The following SALL4 variants were observed in gnomAD, a reference collection of about 807,000 sequenced individuals.
SALL4 encodes the protein sal-like protein 4.
In SALL4, 4 loss-of-function variants were observed where a neutral mutation model predicts 60.8. The observed-to-expected ratio is 0.07, with a 90% CI of 0.03 to 0.15. The LOEUF (loss-of-function observed/expected upper bound fraction) is 0.15. Among genes scored for constraint, SALL4 ranks in the 10% least tolerant of loss-of-function variants. The probability of loss-of-function intolerance (pLI) is 1.00; values close to 1 mark genes in which losing one functional copy is unlikely to be tolerated. For synonymous variants in SALL4, 580 were observed against 574.9 expected (o/e 1.01, Z -0.13); for missense variants, 1,178 against 1,394.7 (o/e 0.84, Z 2.48).
In SALL4 at chr20:51,791,491, G is replaced by A. The variant is rs1245259397; in HGVS notation, c.992C>T (p.Pro331Leu). 4 of 1,614,088 alleles carry A rather than the reference G, an allele frequency of 2.5e-6. No individual in the cohort carries two copies. Among genetic ancestry groups the A allele is most frequent in the East Asian group, 2.2e-5 (1 of 44,884 alleles). ...RVLPNVMSRL[P>L]SALLPQAPGS... ...CGGGGCCTGAGGAAGCAAAGCGCTCGGGAGGCGGGACATGACGTTCGGGAG... is the reference window on the plus strand; with the variant it reads ...CGGGGCCTGAGGAAGCAAAGCGCTCAGGAGGCGGGACATGACGTTCGGGAG... The change falls in exon 2 of 4, where the codon CCG (proline) becomes CTG (leucine). Residue 331 changes from proline to leucine, a missense_variant. By Grantham distance (98) the Pro-to-Leu change is moderately conservative. Around this residue, in one of 5 missense-constraint regions of SALL4, gnomAD observed 853 missense variants for 1,036.8 expected, o/e 0.82. Coordinates refer to ENST00000217086, the MANE Select transcript of SALL4 (RefSeq NM_020436.5). This position sits in a 1 kb window ranked among gnomAD's most constrained non-coding sequence, Gnocchi z 4.6.
chr20:51,792,435 T>C, intron 1 of SALL4, 83 bp from the exon 2 acceptor site: 2 of 1,539,328 alleles, frequency 1.3e-6, no homozygotes, highest in Non-Finnish European at 1.8e-6. Flanking sequence ...ACATCTATAA[T>C]CCTAGCACTT....
intron 2 of SALL4, 137 bp from the exon 3 acceptor site, chr20:51,789,278 T>C: frequency 1.1e-6 from 1 of 885,724 alleles, no homozygotes; most frequent in Non-Finnish European, 1.7e-6. Flanking sequence ...AATTAACACC[T>C]TCCCCTTTGA....
rs577230428 is a variant in SALL4, at chr20:51,782,369, C to A, written c.*1896G>T. 6.6e-6 allele frequency: 1 copy of A among 152,030 alleles called. No homozygotes were observed. The highest frequency in any genetic ancestry group is 2.4e-5 in the African/African-American group (1 of 41,466). 9.4% of individuals were successfully genotyped at this position (152,030 alleles called of 1,614,324 possible). ...CATTCAAATTTTATTTTCCAACAGA[C>A]AGACAGCATCAGCAGGTACAACTAC... is the stretch of plus-strand genomic sequence containing the variant. On this transcript the variant is annotated 3_prime_UTR_variant, in exon 4 of 4. Coordinates refer to ENST00000217086, the MANE Select transcript of SALL4 (RefSeq NM_020436.5).
chr20:51,791,532 C>G lies in SALL4; in HGVS notation c.951G>C (p.Pro317=). ...CGTTCGGGAGCACCCGGGTCCCATC[C>G]GGCTTCAGAGTGAAGGGTGCCAGCC... The part of the protein sequence containing the change: ...SPGLAPFTLK[P]DGTRVLPNVM... Residue 317 remains proline (P), a synonymous_variant, in exon 2 of 4, where the codon CCG becomes CCC. Transcript: ENST00000217086. The surrounding 1 kb of genome is among the most constrained non-coding windows in gnomAD (Gnocchi z 4.6). 6.2e-7 allele frequency: 1 copy of G among 1,613,918 alleles called. No individual in the cohort carries two copies. The highest frequency in any genetic ancestry group is 8.5e-7 in the Non-Finnish European group (1 of 1,180,036).
intron 1 of SALL4, among the ~76,000 whole-genome samples, chr20:51,794,657 T>C (rs1187707906): frequency 1.3e-5 from 2 of 152,224 alleles, no homozygotes; most frequent in African/African-American, 4.8e-5. Flanking sequence ...CAGATAACTT[T>C]TGAGCACTTA....
chr20:51,796,222 G>A (rs1439288210), intron 1 of SALL4, among the ~76,000 whole-genome samples: 32 of 134,978 alleles, frequency 2.4e-4, no homozygotes, highest in Admixed American at 2.2e-4. Flanking sequence ...AAGAAAGAAA[G>A]AAAGAAAAGA....
intron 1 of SALL4, among the ~76,000 whole-genome samples, chr20:51,795,939 A>G (rs1417041019): frequency 2.0e-5 from 3 of 152,168 alleles, no homozygotes; most frequent in Non-Finnish European, 4.4e-5. Context: ...TCACACCTGT[A>G]ATCCCAGCAC....
At chr20:51,798,027 C>A (rs1164144270) in intron 1 of SALL4, among the ~76,000 whole-genome samples, 4 of 152,120 alleles carry the variant, frequency 2.6e-5, no homozygotes, top group Non-Finnish European at 5.9e-5. Flanking sequence ...CTCCCCCAAC[C>A]CCAGGATAAT....
rs745982406 is a variant in SALL4, at chr20:51,791,351, C to T, written c.1132G>A (p.Ala378Thr). 10 of 1,614,050 alleles carry T rather than the reference C, an allele frequency of 6.2e-6. No homozygotes were observed. The South Asian group carries it at 6.6e-5, about 11-fold the overall frequency. The change falls in exon 2 of 4, where the codon GCC becomes ACC. Residue 378 changes from alanine to threonine, a missense_variant. Transcript: ENST00000217086. The surrounding 1 kb of genome is among the most constrained non-coding windows in gnomAD (Gnocchi z 4.6). The stretch of plus-strand genomic sequence containing the variant: ...TACTTACACTTGTGCTTGTAGAGGG[C>T]CGCCTCGTCTTTGGGTTTGACATCC... ...AVDVKPKDEA[A>T]LYKHKCKYCS...
chr20:51,789,999 A>G (rs1325458987), intron 2 of SALL4, 23 bp downstream of exon 2: 23 of 1,613,984 alleles, frequency 1.4e-5, no homozygotes, highest in Non-Finnish European at 1.9e-5. Flanking sequence ...AATGGACATA[A>G]GTTAAATCCA....
At position 51,782,972 on chromosome 20, in the gene SALL4, T is replaced by A. The variant is rs1283041995; in HGVS notation, c.*1293A>T. On this transcript the variant is annotated 3_prime_UTR_variant, in exon 4 of 4. Coordinates refer to ENST00000217086, the MANE Select transcript of SALL4 (RefSeq NM_020436.5). ...ACACCCAGGACGTGCCTGTTCTAAC[T>A]TCGTAGCCTTCATGAAATATTCAGC... 2 of 152,222 alleles carry A rather than the reference T, an allele frequency of 1.3e-5. No individual in the cohort carries two copies. The highest frequency in any genetic ancestry group is 2.9e-5 in the Non-Finnish European group (2 of 68,048). 9.4% of individuals were successfully genotyped at this position (152,222 alleles called of 1,614,324 possible).
rs1304025073 is a variant in SALL4, at chr20:51,802,425, C to T, written c.-17G>A. The T allele has an allele frequency of 3.7e-6, 6 of 1,612,442 alleles. No individual in the cohort carries two copies. The highest frequency in any genetic ancestry group is 5.1e-6 in the Non-Finnish European group (6 of 1,179,894). On this transcript the variant is annotated 5_prime_UTR_variant, in exon 1 of 4. Coordinates refer to ENST00000217086, the MANE Select transcript of SALL4 (RefSeq NM_020436.5). ...CCTCGACATGGTGCGAGCATCGGGG[C>T]GCCGGGAGAGCCGCAGTTATTTGCC...
Position 51,788,743 on chromosome 20 carries a change from T to C in SALL4, c.2742+118A>G. ...ACAAACTCCTGGACTCAAGCAATCC[T>C]CCCACCTCGGCCTCCCAAAGGAGGA... is the stretch of plus-strand genomic sequence containing the variant. On this transcript the variant is annotated intron_variant, in intron 3 of 3. Coordinates refer to ENST00000217086, the MANE Select transcript of SALL4 (RefSeq NM_020436.5). This position sits in a 1 kb window ranked among gnomAD's most constrained non-coding sequence, Gnocchi z 4.1. 1.6e-6 allele frequency: 2 copies of C among 1,248,404 alleles called. No homozygotes were observed. Among genetic ancestry groups the C allele is most frequent in the Non-Finnish European group, 1.2e-6 (1 of 861,978 alleles). The allele number at this position is 1,248,404 out of a possible 1,614,324, so 77.3% of individuals were successfully genotyped here. A position where few individuals can be genotyped will look rare whatever the true frequency, so the allele number is the denominator to read the frequency against.
chr20:51,784,274 C>T lies in SALL4; in HGVS notation c.3153G>A (p.Ala1051=), dbSNP rs142551587. 172 of 1,613,728 alleles carry T rather than the reference C, an allele frequency of 1.1e-4. No homozygotes were observed. The highest frequency in any genetic ancestry group is 1.4e-4 in the Non-Finnish European group (166 of 1,180,044). ...FPHFLEENKI[A]VS is the part of the protein sequence containing the mutation. ...CCACGCAAGTTCTCCCTTAGCTGAC[C>T]GCAATCTTGTTTTCTTCCAGGAAGT... Residue 1051 remains alanine, a synonymous_variant, in exon 4 of 4, where the codon GCG becomes GCA. Coordinates refer to ENST00000217086, the MANE Select transcript of SALL4 (RefSeq NM_020436.5).
In SALL4 at chr20:51,790,066, C is replaced by A; in HGVS notation, c.2417G>T (p.Gly806Val). 1.2e-6 allele frequency: 2 copies of A among 1,614,186 alleles called. No individual in the cohort carries two copies. The highest frequency in any genetic ancestry group is 1.7e-6 in the Non-Finnish European group (2 of 1,180,046). Residue 806 changes from glycine (G) to valine (V), a missense_variant, in exon 2 of 4, where the codon GGG (glycine) becomes GTG (valine). Physicochemically the swap from Gly to Val is moderately radical, Grantham distance 109. Coordinates refer to ENST00000217086, the MANE Select transcript of SALL4 (RefSeq NM_020436.5). This position sits in a 1 kb window ranked among gnomAD's most constrained non-coding sequence, Gnocchi z 5.5. ...GTTCTCGGAGCTCTCTGCTTTGCTC[C>A]CAGCATCGGGAGACTTTGACTTGAT... ...ESIKSKSPDA[G>V]SKAESSENSR...
Position 51,790,982 on chromosome 20 carries a change from C to T in SALL4, c.1501G>A (p.Gly501Ser). Residue 501 changes from glycine (G) to serine (S), a missense_variant, in exon 2 of 4, where the codon GGC becomes AGC. Around this residue, in one of 5 missense-constraint regions of SALL4, gnomAD observed 853 missense variants for 1,036.8 expected, o/e 0.82. Transcript: ENST00000217086. The surrounding 1 kb of genome is among the most constrained non-coding windows in gnomAD (Gnocchi z 5.5). ...GGCTGCAGGTCACCGGGCAAGGAGC[C>T]ACCCGTGAGGTCCTTGGGATTAGTC... The part of the protein sequence containing the change: ...SGTNPKDLTG[G>S]SLPGDLQPGP... The T allele has an allele frequency of 6.2e-7, 1 of 1,614,152 alleles. No individual in the cohort carries two copies. The highest frequency in any genetic ancestry group is 8.5e-7 in the Non-Finnish European group (1 of 1,180,028).
rs779488828 is a variant in SALL4 at position 51,802,455 on chromosome 20, C to G, written c.-47G>C. The stretch of plus-strand genomic sequence containing the variant: ...GGAGAGCCGCAGTTATTTGCCCTCT[C>G]CGCCACAAATTCCTGGAGTTGGGAA... On this transcript the variant is annotated 5_prime_UTR_variant, in exon 1 of 4. Coordinates refer to ENST00000217086, the MANE Select transcript of SALL4 (RefSeq NM_020436.5). The G allele has an allele frequency of 1.3e-5, 21 of 1,611,614 alleles. No homozygotes were observed. Among genetic ancestry groups the G allele is most frequent in the Non-Finnish European group, 1.7e-5 (20 of 1,179,544 alleles).
At position 51,788,559 on chromosome 20, in the gene SALL4, C is replaced by T. The variant is rs1034978066; in HGVS notation, c.2742+302G>A. 1.3e-5 allele frequency among the ~76,000 whole-genome samples: 2 copies of T among 151,996 alleles called. No individual in the cohort carries two copies. The highest frequency in any genetic ancestry group is 2.9e-5 in the Non-Finnish European group (2 of 68,010). The stretch of plus-strand genomic sequence containing the variant: ...CAAAAAAATTAGCCGGCCATGGTGG[C>T]GGACGCCTGTAGTCCCAGCTACTCA... On this transcript the variant is annotated intron_variant, in intron 3 of 3. Coordinates refer to ENST00000217086, the MANE Select transcript of SALL4 (RefSeq NM_020436.5). The surrounding 1 kb of genome is among the most constrained non-coding windows in gnomAD (Gnocchi z 4.1).
chr20:51,788,893 C>A lies in SALL4; in HGVS notation c.2710G>T (p.Gly904Trp). The change falls in exon 3 of 4, where the codon GGG (glycine) becomes TGG (tryptophan). Residue 904 changes from glycine (G) to tryptophan (W), a missense_variant. Coordinates refer to ENST00000217086, the MANE Select transcript of SALL4 (RefSeq NM_020436.5). This position sits in a 1 kb window ranked among gnomAD's most constrained non-coding sequence, Gnocchi z 4.1. ...GEKPFVCNIC[G>W]RAFTTKGNLK... is the part of the protein sequence containing the mutation. ...TTGCCTTTGGTGGTAAAAGCTCGCC[C>A]ACAAATGTTGCACACAAAAGGCTTC... is the stretch of plus-strand genomic sequence containing the variant. 1 of 1,614,190 alleles carries A rather than the reference C, an allele frequency of 6.2e-7. No individual in the cohort carries two copies. Among genetic ancestry groups the A allele is most frequent in the Non-Finnish European group, 8.5e-7 (1 of 1,180,056 alleles).
Sources: gnomAD v4.1 joint callset for allele counts (sites outside exome capture counted in the v4.1 genomes callset) on GRCh38, gnomAD v4.1.1 for gene constraint, gnomAD v4.1.1 regional missense constraint, Gnocchi (gnomAD v3.1) non-coding constraint, MANE v1.5 for transcripts, NCBI Gene and HGNC (gene_info 2026-07-23, HGNC 2026-07-21) for gene names.